Variants in IL1R1 observed in about 807,000 individuals in gnomAD.
IL1R1 encodes interleukin-1 receptor type 1.
A neutral mutation model predicts 50.2 loss-of-function variants in IL1R1; 22 were observed. The ratio of observed to expected loss-of-function variants is 0.44; its 90% CI spans 0.31 to 0.63. IL1R1 has a LOEUF of 0.63. Among genes scored for constraint, IL1R1 ranks in the 20% least tolerant of loss-of-function variants. IL1R1 has a pLI of 0.07. For synonymous variants in IL1R1, 251 were observed against 236.7 expected, an observed-to-expected ratio of 1.06 and a Z score of -0.55; for missense variants, 509 against 676.2, an observed-to-expected ratio of 0.75 and a Z score of 2.74.
rs767561207 is a variant in IL1R1, at chr2:102,171,963, G to A, written c.839+45G>A. 1.5e-5 allele frequency: 15 copies of A among 1,011,510 alleles called. No homozygotes were observed. The South Asian group carries it at 2.3e-4, about 15-fold the overall frequency. The allele number at this position is 1,011,510 out of a possible 1,614,324, so 62.7% of individuals were successfully genotyped here. ...TTCACATTTTGGTGTTAAATCCCACGTGATATTTTATATAACCTTGTCGGT... is the reference window on the plus strand; with the variant it reads ...TTCACATTTTGGTGTTAAATCCCACATGATATTTTATATAACCTTGTCGGT... On this transcript the variant is annotated intron_variant, in intron 8 of 11. Transcript: ENST00000410023.
At chr2:102,148,930 G>A (rs1277357084) in intron 1 of IL1R1, among the ~76,000 whole-genome samples, 1 of 151,514 alleles carries the variant, frequency 6.6e-6, no homozygotes, top group Non-Finnish European at 1.5e-5. Context: ...GGGTAACAGA[G>A]CAAGACTCTG....
rs138412915 is a variant in IL1R1, at chr2:102,071,887, C to T, written c.-84+1354C>T. Among the ~76,000 whole-genome samples the T allele has an allele frequency of 1.7e-3, 264 of 152,290 alleles. 4 individuals carry two copies. Among genetic ancestry groups the T allele is most frequent in the Middle Eastern group, 3.4e-3 (1 of 294 alleles). ...TGCCAAGGGCCATCTTCCGAGGAAGCACCTGGACTATACATCCTCCACAAT... is the reference window on the plus strand; with the variant it reads ...TGCCAAGGGCCATCTTCCGAGGAAGTACCTGGACTATACATCCTCCACAAT... On this transcript the variant is annotated intron_variant, in intron 1 of 11. Transcript: ENST00000409929.
chr2:102,125,596 T>C (rs1462999080), intron 1 of IL1R1, among the ~76,000 whole-genome samples: 1 of 152,220 alleles, frequency 6.6e-6, no homozygotes, highest in Admixed American at 6.5e-5. Context: ...ACACAGAAAG[T>C]TGGGCCTTGT....
intron 1 of IL1R1, among the ~76,000 whole-genome samples, chr2:102,152,544 A>AAAAAAAGG (rs1683774761): frequency 7.6e-6 from 1 of 132,076 alleles, no homozygotes; most frequent in Non-Finnish European, 1.6e-5. Context: ...AAAAAAAAGA[A>AAAAAAAGG]GAGTGTGGGG....
At chr2:102,107,844 T>G (rs1304049194) in intron 1 of IL1R1, among the ~76,000 whole-genome samples, 2 of 152,186 alleles carry the variant, frequency 1.3e-5, no homozygotes, top group African/African-American at 4.8e-5. Context: ...TCTGAGGACT[T>G]TGACCTCTTT....
rs1221699681 is a variant in IL1R1 at position 102,164,837 on chromosome 2, G to A, written c.125G>A (p.Arg42His). 5.6e-6 allele frequency: 9 copies of A among 1,613,736 alleles called. No individual in the cohort carries two copies. The highest frequency in any genetic ancestry group is 6.8e-6 in the Non-Finnish European group (8 of 1,179,908). Residue 42 changes from arginine to histidine, a missense_variant, in exon 4 of 12, where the codon CGT (arginine) becomes CAT (histidine). Physicochemically the swap from Arg to His is conservative, Grantham distance 29. Coordinates refer to ENST00000410023, the MANE Select transcript of IL1R1 (RefSeq NM_000877.4). ...LVSSANEIDV[R>H]PCPLNPNEHK... The stretch of plus-strand genomic sequence containing the variant: ...TCATCTGCAAATGAAATTGATGTTC[G>A]TCCCTGTCCTCTTAACCCAAATGAA...
chr2:102,074,242 C>T (rs917042626), intron 1 of IL1R1, among the ~76,000 whole-genome samples: 2 of 152,214 alleles, frequency 1.3e-5, no homozygotes, highest in Non-Finnish European at 2.9e-5. Flanking sequence ...TCTCGTGGTT[C>T]TGTGGGCAGT....
At position 102,136,837 on chromosome 2, in the gene IL1R1, T is replaced by G. The variant is rs1682371187; in HGVS notation, c.-83-17104T>G. ...ATGGCACTCCTGCATCTGACCAGAT[T>G]TTTCTTCTTCCTTTGCTGATAGTGG... On this transcript the variant is annotated intron_variant, in intron 1 of 10. Coordinates refer to the IL1R1 transcript ENST00000409329. Among the ~76,000 whole-genome samples the G allele has an allele frequency of 2.6e-5, 4 of 152,110 alleles. No homozygotes were observed. The South Asian group carries it at 8.3e-4, about 31-fold the overall frequency.
intron 1 of IL1R1, among the ~76,000 whole-genome samples, chr2:102,106,127 G>C (rs1393660661): frequency 6.6e-6 from 1 of 152,156 alleles, no homozygotes; most frequent in Non-Finnish European, 1.5e-5. Context: ...GAGGGTGTGA[G>C]GAGTGGATGG....
chr2:102,164,275 C>A (rs545144680), intron 3 of IL1R1, among the ~76,000 whole-genome samples: 17 of 152,176 alleles, frequency 1.1e-4, no homozygotes, highest in Admixed American at 4.6e-4. Context: ...CTCCTCAACT[C>A]ACTGGGCTTT....
At chr2:102,124,009 C>T (rs1248496302) in intron 1 of IL1R1, among the ~76,000 whole-genome samples, 1 of 151,922 alleles carries the variant, frequency 6.6e-6, no homozygotes, top group African/African-American at 2.4e-5. Context: ...GTGAGATCAC[C>T]TAAGTAAAGT....
In IL1R1 at chr2:102,137,519, T is replaced by C. The variant is rs1012713368; in HGVS notation, c.-83-16422T>C. 7.5e-4 allele frequency among the ~76,000 whole-genome samples: 114 copies of C among 152,252 alleles called. 1 individual carries two copies. Among genetic ancestry groups the C allele is most frequent in the Non-Finnish European group, 2.2e-4 (15 of 68,022 alleles). On this transcript the variant is annotated intron_variant, in intron 1 of 10. Coordinates refer to the IL1R1 transcript ENST00000409329. ...CTGGAGCACCTGTACATGGTATACA[T>C]GTGGCTCGAGCTTCCTAACACTATG... is the stretch of plus-strand genomic sequence containing the variant.
chr2:102,161,866 A>AT (rs552328320), intron 3 of IL1R1, among the ~76,000 whole-genome samples: 6 of 151,232 alleles, frequency 4.0e-5, no homozygotes, highest in East Asian at 1.9e-4. Context: ...CACCTGGCTG[A>AT]TTTTTTTTGT....
At chr2:102,173,091 C>T (rs1178101379) in intron 9 of IL1R1, among the ~76,000 whole-genome samples, 1 of 152,156 alleles carries the variant, frequency 6.6e-6, no homozygotes, top group African/African-American at 2.4e-5. Flanking sequence ...TCTGTAGCAC[C>T]ATATGTCACA....
chr2:102,076,448 T>A (rs936420151), intron 1 of IL1R1, among the ~76,000 whole-genome samples: 2 of 152,200 alleles, frequency 1.3e-5, no homozygotes, highest in Non-Finnish European at 2.9e-5. Context: ...TTTGGTATAA[T>A]TTTCTTTTTA....
At chr2:102,146,691 T>A (rs1286130351) in intron 1 of IL1R1, among the ~76,000 whole-genome samples, 1 of 152,226 alleles carries the variant, frequency 6.6e-6, no homozygotes, top group Non-Finnish European at 1.5e-5. Context: ...TATATGTATT[T>A]CATATGAATG....
chr2:102,168,125 T>G (rs1177912504), intron 6 of IL1R1, among the ~76,000 whole-genome samples: 1 of 152,158 alleles, frequency 6.6e-6, no homozygotes, highest in Non-Finnish European at 1.5e-5. Flanking sequence ...CTTGATACTT[T>G]TTTGCCTATT....
intron 9 of IL1R1, among the ~76,000 whole-genome samples, chr2:102,173,744 G>A (rs1281311004): frequency 1.3e-5 from 2 of 152,164 alleles, no homozygotes; most frequent in Non-Finnish European, 1.5e-5. Context: ...GTCAGTGTTT[G>A]TATGGGTGTG....
At chr2:102,141,205 A>C (rs896742166), upstream of IL1R1, among the ~76,000 whole-genome samples, 7 of 152,182 alleles carry the variant, frequency 4.6e-5, no homozygotes, top group African/African-American at 1.7e-4. Context: ...TAATGGCATC[A>C]CTGTGGGAGC....
Sources: gnomAD v4.1 joint callset for allele counts (sites outside exome capture counted in the v4.1 genomes callset) on GRCh38, gnomAD v4.1.1 for gene constraint, MANE v1.5 for transcripts, NCBI Gene and HGNC (gene_info 2026-07-23, HGNC 2026-07-21) for gene names.